Variants in MTOR observed in about 807,000 individuals in gnomAD.
The protein encoded by MTOR is mechanistic target of rapamycin kinase.
In MTOR, 70 loss-of-function variants were observed where a neutral mutation model predicts 319.8. That is an observed-to-expected ratio of 0.22 (90% CI 0.18 to 0.27). The LOEUF is 0.27. MTOR is among the 10% of genes least tolerant of loss of function. The probability of loss-of-function intolerance (pLI) is 1.00; values close to 1 mark genes in which losing one functional copy is unlikely to be tolerated. For missense variants in MTOR, 1,890 were observed against 3,274.4 expected, an observed-to-expected ratio of 0.58 and a Z score of 10.32; for synonymous variants, 1,183 against 1,211.4, an observed-to-expected ratio of 0.98 and a Z score of 0.49.
chr1:11,251,883 T>C (rs1649742543), intron 6 of MTOR, among the ~76,000 whole-genome samples: 1 of 152,198 alleles, frequency 6.6e-6, no homozygotes, highest in Non-Finnish European at 1.5e-5. Flanking sequence ...GATACTGTCC[T>C]GTTTTAATGG....
intron 6 of MTOR, among the ~76,000 whole-genome samples, chr1:11,250,262 G>A (rs1167501092): frequency 3.0e-5 from 4 of 135,270 alleles, no homozygotes; most frequent in African/African-American, 1.2e-4. Context: ...GCGGCTGGCC[G>A]GGCAGGGGGC....
At chr1:11,252,960 C>T (rs1649888955) in intron 6 of MTOR, among the ~76,000 whole-genome samples, 1 of 152,188 alleles carries the variant, frequency 6.6e-6, no homozygotes, top group Admixed American at 6.5e-5. Context: ...TGAAACCCAT[C>T]ACTAAGTTTG....
At chr1:11,257,203 G>A (rs754387335) in intron 3 of MTOR, 38 bp from the exon 4 acceptor site, 29 of 1,547,516 alleles carry the variant, frequency 1.9e-5, no homozygotes, top group African/African-American at 2.7e-5. Flanking sequence ...ATGATGGGGC[G>A]TATGCTGGCC....
intron 28 of MTOR, among the ~76,000 whole-genome samples, chr1:11,196,849 TAAAAAA>T (rs78265735): frequency 7.5e-6 from 1 of 133,840 alleles, no homozygotes; most frequent in Non-Finnish European, 1.6e-5. Flanking sequence ...CGACTCCATC[TAAAAAA>T]AAAAAAAAGA....
Position 11,199,604 on chromosome 1 carries a change from T to C in MTOR, c.4044A>G (p.Gln1348=), listed in dbSNP as rs778641293. Residue 1348 remains glutamine, a synonymous_variant, in exon 27 of 58, where the codon CAA becomes CAG. Transcript: ENST00000361445. This position sits in a 1 kb window ranked among gnomAD's most constrained non-coding sequence, Gnocchi z 4.5. ...GGGTCTGTGTGACTTCAGCGATGTC[T>C]TGTGAGGTGAGGGCCAACTCGATGC... ...IRSIELALTS[Q]DIAEVTQTLL... The C allele has an allele frequency of 6.2e-7, 1 of 1,614,198 alleles. No homozygotes were observed. Among genetic ancestry groups the C allele is most frequent in the Non-Finnish European group, 8.5e-7 (1 of 1,180,026 alleles).
rs1215498224 is a variant in MTOR, at chr1:11,150,244, T to C, written c.4470-18A>G. The C allele has an allele frequency of 1.9e-6, 3 of 1,601,964 alleles. No homozygotes were observed. The highest frequency in any genetic ancestry group is 4.5e-5 in the East Asian group (2 of 44,772). ...GTTGACCCCTGAAGAAAATGAATTA[T>C]ATAGTCAGATTAATCCAAATCTCCT... On this transcript the variant is annotated intron_variant, in intron 30 of 57. Transcript: ENST00000361445.
chr1:11,112,847 C>T lies in MTOR; in HGVS notation c.7366+5G>A, dbSNP rs1641964875. 1.2e-6 allele frequency: 2 copies of T among 1,614,106 alleles called. No homozygotes were observed. The highest frequency in any genetic ancestry group is 1.7e-6 in the Non-Finnish European group (2 of 1,180,054). ...GCCTTTGCGACCTCCCGTGGATGCA[C>T]CTACCGACTGACTGGCCAGCAGAGT... On this transcript the variant is annotated splice_donor_5th_base_variant and intron_variant, in intron 54 of 57. Coordinates refer to ENST00000361445, the MANE Select transcript of MTOR (RefSeq NM_004958.4).
intron 28 of MTOR, chr1:11,189,498 C>T (rs1645438939): frequency 6.1e-6 from 9 of 1,474,150 alleles, no homozygotes; most frequent in Non-Finnish European, 8.2e-6. Context: ...GTTCAGTCAG[C>T]CTGCTGCAGC....
Position 11,218,618 on chromosome 1 carries a change from T to C in MTOR, c.3031-2384A>G, listed in dbSNP as rs533295855. Among the ~76,000 whole-genome samples the C allele has an allele frequency of 3.7e-3, 562 of 152,168 alleles. 9 individuals carry two copies. Among genetic ancestry groups the C allele is most frequent in the South Asian group, 0.014 (65 of 4,814 alleles). On this transcript the variant is annotated intron_variant, in intron 19 of 57. Transcript: ENST00000361445. ...CAGAAAGAGGAAACAAGCTTCCTGG[T>C]CCTTGGTGCCATTTTATTAGGCATG... is the stretch of plus-strand genomic sequence containing the variant.
chr1:11,192,857 G>C (rs1250512527), intron 28 of MTOR, among the ~76,000 whole-genome samples: 1 of 151,556 alleles, frequency 6.6e-6, no homozygotes, highest in Non-Finnish European at 1.5e-5. Context: ...CCAGGCATCT[G>C]TTTGGCCCCT....
In MTOR at chr1:11,109,846, G is replaced by T; in HGVS notation, c.7367-117C>A. Reference sequence around the variant, plus strand: ...TAACGCCTGCCCTACCTACCCTAAAGGGGAAAAGAGAAGGAAAGTTTTATG... The same window carrying T: ...TAACGCCTGCCCTACCTACCCTAAATGGGAAAAGAGAAGGAAAGTTTTATG... On this transcript the variant is annotated intron_variant, in intron 54 of 57. Coordinates refer to ENST00000361445, the MANE Select transcript of MTOR (RefSeq NM_004958.4). The surrounding 1 kb of genome is among the most constrained non-coding windows in gnomAD (Gnocchi z 4.0). 1 of 827,962 alleles carries T rather than the reference G, an allele frequency of 1.2e-6. No homozygotes were observed. 51.3% of individuals were successfully genotyped at this position (827,962 alleles called of 1,614,324 possible). A position where few individuals can be genotyped will look rare whatever the true frequency, so the allele number is the denominator to read the frequency against.
chr1:11,254,916 C>T (rs1650164393), intron 5 of MTOR, among the ~76,000 whole-genome samples: 1 of 152,046 alleles, frequency 6.6e-6, no homozygotes, highest in South Asian at 2.1e-4. Flanking sequence ...AGGCGTGTAA[C>T]ACCAGGCCCA....
Position 11,139,675 on chromosome 1 carries a change from T to G in MTOR, c.4873-17A>C. 6.2e-7 allele frequency: 1 copy of G among 1,614,120 alleles called. No homozygotes were observed. The highest frequency in any genetic ancestry group is 8.5e-7 in the Non-Finnish European group (1 of 1,179,996). On this transcript the variant is annotated splice_polypyrimidine_tract_variant and intron_variant, in intron 34 of 57. Transcript: ENST00000361445. ...CTGGCAGCCCTGGAACATTCAGAAGTGAAGATTAGATATGTCTTCTGATAC... is the reference window on the plus strand; with the variant it reads ...CTGGCAGCCCTGGAACATTCAGAAGGGAAGATTAGATATGTCTTCTGATAC...
chr1:11,247,521 T>C, intron 8 of MTOR, 104 bp downstream of exon 8: 1 of 937,888 alleles, frequency 1.1e-6, no homozygotes, highest in Non-Finnish European at 1.7e-6. Flanking sequence ...AAATCAGAGA[T>C]TTGTTGGCGT....
At chr1:11,134,138 C>T (rs1380506984) in intron 37 of MTOR, among the ~76,000 whole-genome samples, 1 of 152,066 alleles carries the variant, frequency 6.6e-6, no homozygotes, top group African/African-American at 2.4e-5. Context: ...GAGAACAGCA[C>T]ATGGGTGCTC....
intron 25 of MTOR, among the ~76,000 whole-genome samples, chr1:11,208,251 A>C (rs1187307732): frequency 6.6e-6 from 1 of 152,244 alleles, no homozygotes; most frequent in Admixed American, 6.5e-5. Context: ...GGAAAGCAGC[A>C]TCACTCCTGA....
intron 34 of MTOR, among the ~76,000 whole-genome samples, chr1:11,143,700 C>A (rs768307747): frequency 6.6e-6 from 1 of 152,082 alleles, no homozygotes; most frequent in Non-Finnish European, 1.5e-5. Flanking sequence ...CCTACTGAGA[C>A]GCCTGGAAGC....
intron 24 of MTOR, among the ~76,000 whole-genome samples, chr1:11,209,822 T>G (rs2100783554): frequency 6.6e-6 from 1 of 152,124 alleles, no homozygotes; most frequent in South Asian, 2.1e-4. Context: ...ATCTATTCAC[T>G]TATTTATTTG....
At chr1:11,171,239 G>A (rs1434993903) in intron 28 of MTOR, among the ~76,000 whole-genome samples, 2 of 151,028 alleles carry the variant, frequency 1.3e-5, no homozygotes, top group African/African-American at 4.9e-5. Context: ...TCTAACAACT[G>A]TCTTCAATCT....
Sources: gnomAD v4.1 joint callset for allele counts (sites outside exome capture counted in the v4.1 genomes callset) on GRCh38, gnomAD v4.1.1 for gene constraint, Gnocchi (gnomAD v3.1) non-coding constraint, MANE v1.5 for transcripts, NCBI Gene and HGNC (gene_info 2026-07-23, HGNC 2026-07-21) for gene names.